The following VAT1L variants were observed in gnomAD, a reference collection of about 807,000 sequenced individuals.
VAT1L encodes the protein putative NADPH-dependent quinone oxidoreductase VAT1L.
VAT1L carries 34 observed loss-of-function variants against 44.1 expected under a neutral mutation model. The observed-to-expected ratio is 0.77, with a 90% CI of 0.59 to 1.03. The LOEUF is 1.03. Ranked by LOEUF, VAT1L falls within the 50% of genes least tolerant of loss-of-function variation. The pLI is 0.00. For synonymous variants in VAT1L, 253 were observed against 202.2 expected (o/e 1.25, Z -2.13); for missense variants, 615 against 538.8 (o/e 1.14, Z -1.40).
chr16:77,946,273 C>A lies in VAT1L; in HGVS notation c.1078-25577C>A, dbSNP rs902302984. Among the ~76,000 whole-genome samples the A allele has an allele frequency of 2.6e-4, 12 of 45,590 alleles. No individual in the cohort carries two copies. The South Asian group carries it at 0.01, about 38-fold the overall frequency. The allele number at this position is 45,590 out of a possible 152,430, so 29.9% of individuals were successfully genotyped here. ...TCTCCTGTTCTGGACATCTAGGTTA[C>A]TTGTTCTTTTTTTTTTTTTTTTTTT... is the stretch of plus-strand genomic sequence containing the variant. On this transcript the variant is annotated intron_variant, in intron 7 of 8. Transcript: ENST00000302536.
intron 8 of VAT1L, among the ~76,000 whole-genome samples, chr16:77,974,863 C>T (rs887457744): frequency 5.9e-5 from 9 of 152,068 alleles, no homozygotes; most frequent in East Asian, 1.9e-4. Flanking sequence ...GACACTGTAC[C>T]GGGCCCCCTT....
Position 77,868,039 on chromosome 16 carries a change from G to A in VAT1L, c.722+5149G>A, listed in dbSNP as rs1054769991. Reference sequence around the variant, plus strand: ...TCATCATAAGCTTAAAATATCATGAGTCAAAAATGTATTTAATACACCTAA... The same window carrying A: ...TCATCATAAGCTTAAAATATCATGAATCAAAAATGTATTTAATACACCTAA... On this transcript the variant is annotated intron_variant, in intron 4 of 8. Coordinates refer to ENST00000302536, the MANE Select transcript of VAT1L (RefSeq NM_020927.3). Among the ~76,000 whole-genome samples, 11 of 152,274 alleles carry A rather than the reference G, an allele frequency of 7.2e-5. No individual in the cohort carries two copies. The East Asian group carries it at 1.4e-3, about 19-fold the overall frequency.
intron 3 of VAT1L, among the ~76,000 whole-genome samples, chr16:77,843,590 C>T (rs1050153212): frequency 1.6e-4 from 24 of 152,248 alleles, no homozygotes; most frequent in African/African-American, 4.3e-4. Flanking sequence ...GCATTAAGAA[C>T]GGGAAATATT....
chr16:77,822,864 G>A (rs2016474967), intron 2 of VAT1L, among the ~76,000 whole-genome samples: 1 of 152,174 alleles, frequency 6.6e-6, no homozygotes, highest in South Asian at 2.1e-4. Flanking sequence ...TGGTTCAGGT[G>A]TCTTTTCTGA....
intron 3 of VAT1L, among the ~76,000 whole-genome samples, chr16:77,861,661 C>T (rs893494267): frequency 3.3e-5 from 5 of 152,238 alleles, no homozygotes; most frequent in Non-Finnish European, 7.3e-5. Flanking sequence ...CTTTTCTGCA[C>T]TTAACATGCC....
intron 7 of VAT1L, among the ~76,000 whole-genome samples, chr16:77,932,013 C>T (rs925116364): frequency 3.3e-5 from 5 of 152,054 alleles, no homozygotes; most frequent in Non-Finnish European, 5.9e-5. Flanking sequence ...CATTCATCCA[C>T]GCCTGAGCAT....
chr16:77,930,578 C>T lies in VAT1L; in HGVS notation c.1078-41272C>T, dbSNP rs958766089. 2.0e-4 allele frequency among the ~76,000 whole-genome samples: 30 copies of T among 152,246 alleles called. 1 individual carries two copies. The highest frequency in any genetic ancestry group is 6.2e-4 in the South Asian group (3 of 4,814). On this transcript the variant is annotated intron_variant, in intron 7 of 8. Transcript: ENST00000302536. The stretch of plus-strand genomic sequence containing the variant: ...TTGACAGGTTCCAGGGCCCGTGCCC[C>T]GCTTATATCTCAAGGTAGGTTCCGT...
intron 3 of VAT1L, among the ~76,000 whole-genome samples, chr16:77,827,285 A>C (rs934514453): frequency 1.3e-5 from 2 of 152,234 alleles, no homozygotes; most frequent in Non-Finnish European, 2.9e-5. Context: ...TAGTCATACT[A>C]TCAGCATAAG....
intron 7 of VAT1L, among the ~76,000 whole-genome samples, chr16:77,948,342 T>G (rs1348613502): frequency 6.6e-6 from 1 of 152,162 alleles, no homozygotes; most frequent in East Asian, 1.9e-4. Flanking sequence ...ATCTAGGAAA[T>G]GAGAACAACA....
chr16:77,976,461 G>T (rs2018341023), intron 8 of VAT1L, among the ~76,000 whole-genome samples: 1 of 152,170 alleles, frequency 6.6e-6, no homozygotes, highest in African/African-American at 2.4e-5. Context: ...GGCCAAGGGG[G>T]AGAACCCAGC....
intron 4 of VAT1L, among the ~76,000 whole-genome samples, chr16:77,864,568 T>C (rs745424944): frequency 6.6e-6 from 1 of 152,196 alleles, no homozygotes; most frequent in Non-Finnish European, 1.5e-5. Flanking sequence ...ATCATGCCAC[T>C]GCACTCCAGC....
intron 7 of VAT1L, among the ~76,000 whole-genome samples, chr16:77,919,428 G>A (rs778094431): frequency 6.6e-6 from 1 of 152,162 alleles, no homozygotes; most frequent in South Asian, 2.1e-4. Flanking sequence ...TTGCCAGGCA[G>A]CCTATTTAAA....
chr16:77,794,145 A>G (rs1385149089), intron 1 of VAT1L, among the ~76,000 whole-genome samples: 1 of 152,170 alleles, frequency 6.6e-6, no homozygotes, highest in African/African-American at 2.4e-5. Flanking sequence ...AGACAGAGAG[A>G]CACACACACA....
rs995723922 is a variant in VAT1L at position 77,879,181 on chromosome 16, T to C, written c.839T>C (p.Met280Thr). ...CTTTCATTTTCAGGCTCATCCAACA[T>C]GGTAACTGGAGAGACCAAGAGCTTC... ...GTYILYGSSN[M>T]VTGETKSFFS... Residue 280 changes from methionine to threonine, a missense_variant, in exon 6 of 9, where the codon ATG becomes ACG. Transcript: ENST00000302536. The surrounding 1 kb of genome is among the most constrained non-coding windows in gnomAD (Gnocchi z 4.1). 2.5e-6 allele frequency: 4 copies of C among 1,614,192 alleles called. No homozygotes were observed. Among genetic ancestry groups the C allele is most frequent in the Admixed American group, 1.7e-5 (1 of 60,016 alleles).
chr16:77,791,585 T>G (rs1033836242), intron 1 of VAT1L, among the ~76,000 whole-genome samples: 4 of 152,226 alleles, frequency 2.6e-5, no homozygotes, highest in African/African-American at 7.2e-5. Context: ...CTAATTCTCC[T>G]TATATTTTTG....
chr16:77,858,972 CT>C (rs2016888421), intron 3 of VAT1L, among the ~76,000 whole-genome samples: 1 of 151,944 alleles, frequency 6.6e-6, no homozygotes, highest in Non-Finnish European at 1.5e-5. Context: ...CCCGTCTCTA[CT>C]AAAAATACAA....
chr16:77,946,279 C>CTTTTTTGTTTTTTTTTTT (rs2017963751), intron 7 of VAT1L, among the ~76,000 whole-genome samples: 2 of 70,428 alleles, frequency 2.8e-5, no homozygotes, highest in Non-Finnish European at 2.5e-5. Flanking sequence ...GTTACTTGTT[C>CTTTTTTGTTTTTTTTTTT]TTTTTTTTTT....
At chr16:77,862,106 G>A (rs760444806) in intron 3 of VAT1L, among the ~76,000 whole-genome samples, 16 of 152,144 alleles carry the variant, frequency 1.1e-4, no homozygotes, top group African/African-American at 2.4e-5. Flanking sequence ...CTTGGTGCTT[G>A]GATTCGCCTG....
At chr16:77,790,122 C>T (rs936250049) in intron 1 of VAT1L, among the ~76,000 whole-genome samples, 1 of 152,134 alleles carries the variant, frequency 6.6e-6, no homozygotes, top group Non-Finnish European at 1.5e-5. Context: ...AGGGTCCCCT[C>T]CCGTTCACCA....
Sources: gnomAD v4.1 joint callset for allele counts (sites outside exome capture counted in the v4.1 genomes callset) on GRCh38, gnomAD v4.1.1 for gene constraint, Gnocchi (gnomAD v3.1) non-coding constraint, MANE v1.5 for transcripts, NCBI Gene and HGNC (gene_info 2026-07-23, HGNC 2026-07-21) for gene names.